Variants in FAM151B observed in about 807,000 individuals in gnomAD.
FAM151B encodes the protein family with sequence similarity 151 member B.
Under a neutral mutation model 31.2 loss-of-function variants are expected in FAM151B, and 24 were observed. The ratio of observed to expected loss-of-function variants is 0.77; its 90% CI spans 0.56 to 1.08. The LOEUF (loss-of-function observed/expected upper bound fraction) is 1.08, where lower values mean the gene tolerates loss of function less well. Among genes scored for constraint, FAM151B ranks in the 50% least tolerant of loss-of-function variants. FAM151B has a pLI of 0.00. For missense variants in FAM151B, 293 were observed against 328.6 expected (o/e 0.89, Z 0.84); for synonymous variants, 105 against 111.4 (o/e 0.94, Z 0.36).
chr5:80,501,464 TGAA>T, intron 1 of FAM151B: 33 of 128,892 alleles, frequency 2.6e-4, no homozygotes, highest in South Asian at 1.6e-3. Context: ...GCTCTCAAAT[TGAA>T]AAAAAAAAAA....
intron 1 of FAM151B, among the ~76,000 whole-genome samples, chr5:80,497,597 G>A (rs1057009935): frequency 3.3e-5 from 5 of 151,912 alleles, no homozygotes; most frequent in African/African-American, 7.3e-5. Context: ...ATATACAGTC[G>A]TGGCTTAAAT....
At chr5:80,502,330 ATTTTC>A (rs1304385527) in intron 2 of FAM151B, among the ~76,000 whole-genome samples, 1 of 152,076 alleles carries the variant, frequency 6.6e-6, no homozygotes, top group Non-Finnish European at 1.5e-5. Context: ...ATATTATTAT[ATTTTC>A]TTATGTATGT....
chr5:80,527,156 C>T (rs778952700), intron 5 of FAM151B, among the ~76,000 whole-genome samples: 4 of 152,150 alleles, frequency 2.6e-5, no homozygotes, highest in Non-Finnish European at 4.4e-5. Flanking sequence ...GGCACAGTGG[C>T]TCAGGCCTGT....
intron 1 of FAM151B, among the ~76,000 whole-genome samples, chr5:80,489,029 C>T (rs889667607): frequency 2.6e-5 from 4 of 152,174 alleles, no homozygotes; most frequent in Non-Finnish European, 5.9e-5. Context: ...GAGTTAAGGT[C>T]ATGGTAAACA....
chr5:80,496,803 T>A (rs1215096926), intron 1 of FAM151B, among the ~76,000 whole-genome samples: 2 of 10,122 alleles, frequency 2.0e-4, no homozygotes, highest in Admixed American at 4.3e-3. Flanking sequence ...TGCTTAATTT[T>A]TTTTTTTTTT....
Position 80,504,481 on chromosome 5 carries a change from A to G in FAM151B, c.151+2564A>G, listed in dbSNP as rs1743872509. On this transcript the variant is annotated intron_variant, in intron 2 of 5. Transcript: ENST00000282226. ...TACTGATTTTTTTTCTATCTATTGG[A>G]AATAATGGAATTAGCAGACTGCGAC... is the stretch of plus-strand genomic sequence containing the variant. Among the ~76,000 whole-genome samples the G allele has an allele frequency of 2.7e-5, 4 of 145,734 alleles. 1 individual carries two copies. The South Asian group carries it at 8.9e-4, about 32-fold the overall frequency.
chr5:80,507,152 G>A (rs2112616155), intron 2 of FAM151B, among the ~76,000 whole-genome samples: 1 of 151,868 alleles, frequency 6.6e-6, no homozygotes, highest in African/African-American at 2.4e-5. Flanking sequence ...CTGGACAAGG[G>A]AGTGAGCTCT....
At chr5:80,499,732 T>C (rs889031453) in intron 1 of FAM151B, among the ~76,000 whole-genome samples, 2 of 151,544 alleles carry the variant, frequency 1.3e-5, no homozygotes, top group Non-Finnish European at 2.9e-5. Flanking sequence ...ATATATAACA[T>C]GTTTATATAT....
chr5:80,516,516 T>C (rs1012643763), intron 3 of FAM151B, among the ~76,000 whole-genome samples: 6 of 152,204 alleles, frequency 3.9e-5, no homozygotes, highest in African/African-American at 1.4e-4. Flanking sequence ...TATTTAGAAG[T>C]TTGATTTACA....
chr5:80,527,118 T>C (rs1464621708), intron 5 of FAM151B, among the ~76,000 whole-genome samples: 1 of 152,104 alleles, frequency 6.6e-6, no homozygotes, highest in Non-Finnish European at 1.5e-5. Context: ...GGGGATACCT[T>C]CTGAGAAATT....
At chr5:80,490,019 TACACACACACACAC>T (rs71601587) in intron 1 of FAM151B, among the ~76,000 whole-genome samples, 4 of 144,702 alleles carry the variant, frequency 2.8e-5, no homozygotes, top group African/African-American at 1.0e-4. Context: ...TTTTCCCCCT[TACACACACACACAC>T]ACACACACAC....
chr5:80,534,652 T>C lies in FAM151B; in HGVS notation c.672-7021T>C, dbSNP rs555532302. Among the ~76,000 whole-genome samples, 7 of 152,258 alleles carry C rather than the reference T, an allele frequency of 4.6e-5. No homozygotes were observed. The South Asian group carries it at 1.5e-3, about 32-fold the overall frequency. Reference sequence around the variant, plus strand: ...TACAACAGACCCACAGCTAGTATTATGCTGAGTGGGATAAAACTGAAAGCG... The same window carrying C: ...TACAACAGACCCACAGCTAGTATTACGCTGAGTGGGATAAAACTGAAAGCG... On this transcript the variant is annotated intron_variant, in intron 5 of 5. Coordinates refer to ENST00000282226, the MANE Select transcript of FAM151B (RefSeq NM_205548.3).
intron 5 of FAM151B, among the ~76,000 whole-genome samples, chr5:80,537,225 C>T (rs1366967667): frequency 6.6e-6 from 1 of 152,124 alleles, no homozygotes; most frequent in African/African-American, 2.4e-5. Flanking sequence ...TCCTGTCGCT[C>T]CTGGACTAAT....
At chr5:80,539,191 A>T (rs1043284059) in intron 5 of FAM151B, among the ~76,000 whole-genome samples, 1 of 151,888 alleles carries the variant, frequency 6.6e-6, no homozygotes, top group Non-Finnish European at 1.5e-5. Flanking sequence ...GTTATTTTTC[A>T]TATGTACAAA....
intron 5 of FAM151B, among the ~76,000 whole-genome samples, chr5:80,522,891 T>G (rs1315272044): frequency 2.6e-5 from 4 of 152,180 alleles, no homozygotes; most frequent in Non-Finnish European, 4.4e-5. Context: ...TTTATTTTTT[T>G]TTCTTTTAAG....
intron 5 of FAM151B, among the ~76,000 whole-genome samples, chr5:80,538,462 CTTTCTT>C (rs1561383699): frequency 5.5e-5 from 6 of 109,066 alleles, no homozygotes; most frequent in East Asian, 2.4e-4. Context: ...TTCTTTCTTT[CTTTCTT>C]TCTTTCTTTC....
intron 1 of FAM151B, among the ~76,000 whole-genome samples, chr5:80,494,486 TTCTTTC>T (rs1743452887): frequency 3.4e-5 from 5 of 145,860 alleles, no homozygotes; most frequent in Non-Finnish European, 5.9e-5. Context: ...CTTTCTTTCT[TTCTTTC>T]TTTCTTTCTT....
chr5:80,501,613 G>A (rs946656200), intron 1 of FAM151B, among the ~76,000 whole-genome samples, 179 bp from the exon 2 acceptor site: 2 of 151,972 alleles, frequency 1.3e-5, no homozygotes, highest in African/African-American at 2.4e-5. Flanking sequence ...AGATATGTGA[G>A]ATGATGGATA....
Position 80,542,161 on chromosome 5 carries a change from A to C in FAM151B, c.*329A>C. On this transcript the variant is annotated 3_prime_UTR_variant, in exon 6 of 6. Coordinates refer to ENST00000282226, the MANE Select transcript of FAM151B (RefSeq NM_205548.3). ...ATGTCATAAAACAGGTATAAATCAC[A>C]TGTGCTTGGCACTTGCATTACAGAG... 1 of 198,428 alleles carries C rather than the reference A, an allele frequency of 5.0e-6. No homozygotes were observed. The highest frequency in any genetic ancestry group is 5.9e-5 in the Admixed American group (1 of 16,826). 12.3% of individuals were successfully genotyped at this position (198,428 alleles called of 1,614,324 possible).
Sources: allele counts gnomAD v4.1 joint callset (sites outside exome capture counted in the v4.1 genomes callset), GRCh38; gene constraint gnomAD v4.1.1; transcripts MANE v1.5; gene names NCBI Gene and HGNC (gene_info 2026-07-23, HGNC 2026-07-21).